Variants in ACAP2 observed in about 807,000 individuals in gnomAD.
ACAP2 encodes the protein ArfGAP with coiled-coil, ankyrin repeat and PH domains 2.
ACAP2 carries 39 observed loss-of-function variants against 115.8 expected under a neutral mutation model. The observed-to-expected ratio is 0.34, with a 90% confidence interval of 0.26 to 0.44. The LOEUF is 0.44. ACAP2 is among the 20% of genes least tolerant of loss of function. ACAP2 has a pLI of 1.00. For synonymous variants in ACAP2, 289 were observed against 315.8 expected, an observed-to-expected ratio of 0.92 and a Z score of 0.90; for missense variants, 662 against 927.6, an observed-to-expected ratio of 0.71 and a Z score of 3.72.
chr3:195,314,204 T>G (rs1484083851), intron 10 of ACAP2, among the ~76,000 whole-genome samples: 108 of 152,082 alleles, frequency 7.1e-4, no homozygotes, highest in South Asian at 1.0e-3. Context: ...TTGTTGTTTT[T>G]TTTTTTTTTA....
In ACAP2 at chr3:195,317,533, A is replaced by ACTGATACCCAATCTT. The variant is rs1284944662; in HGVS notation, c.857+3167_857+3168insAAGATTGGGTATCAG. Among the ~76,000 whole-genome samples, 7 of 152,266 alleles carry ACTGATACCCAATCTT rather than the reference A, an allele frequency of 4.6e-5. No homozygotes were observed. In the East Asian group the frequency reaches 1.4e-3, roughly 29 times the overall value. On this transcript the variant is annotated intron_variant, in intron 10 of 22. Transcript: ENST00000326793. Reference sequence around the variant, plus strand: ...AGGCATCCTTGAATAAAAGATAATCACTGATACCCAGAAGAATGATCCTGC... The same window carrying ACTGATACCCAATCTT: ...AGGCATCCTTGAATAAAAGATAATCACTGATACCCAATCTTCTGATACCCAGAAGAATGATCCTGC...
intron 8 of ACAP2, among the ~76,000 whole-genome samples, chr3:195,331,072 G>A (rs1296781382): frequency 6.6e-6 from 1 of 152,072 alleles, no homozygotes; most frequent in Non-Finnish European, 1.5e-5. Flanking sequence ...TCTATTACTT[G>A]CAAACAAACC....
chr3:195,435,662 AG>A (rs1278695522), intron 1 of ACAP2, among the ~76,000 whole-genome samples: 1 of 152,108 alleles, frequency 6.6e-6, no homozygotes, highest in Non-Finnish European at 1.5e-5. Flanking sequence ...TGAATTTTTC[AG>A]ATTTCCTTGT....
intron 20 of ACAP2, among the ~76,000 whole-genome samples, chr3:195,291,119 G>T (rs1018661013): frequency 6.6e-6 from 1 of 152,088 alleles, no homozygotes; most frequent in Non-Finnish European, 1.5e-5. Flanking sequence ...AGAAACAAGC[G>T]TTTAAGACAC....
chr3:195,404,803 T>TG (rs1335227760), intron 1 of ACAP2, among the ~76,000 whole-genome samples: 3 of 139,162 alleles, frequency 2.2e-5, no homozygotes, highest in Non-Finnish European at 3.1e-5. Flanking sequence ...TAATTTTTTC[T>TG]TTTTTTTTTT....
chr3:195,348,017 G>A (rs937670629), intron 4 of ACAP2, among the ~76,000 whole-genome samples: 2 of 145,570 alleles, frequency 1.4e-5, no homozygotes, highest in Admixed American at 1.4e-4. Context: ...ATCCTATCTC[G>A]AAAGAAAAGA....
chr3:195,312,704 G>A (rs1377438045), intron 10 of ACAP2, among the ~76,000 whole-genome samples: 1 of 151,860 alleles, frequency 6.6e-6, no homozygotes, highest in Non-Finnish European at 1.5e-5. Flanking sequence ...ATCTTCTTTG[G>A]GTAATTATAA....
intron 1 of ACAP2, among the ~76,000 whole-genome samples, chr3:195,437,104 G>A (rs1360374025): frequency 3.3e-5 from 5 of 152,120 alleles, no homozygotes; most frequent in African/African-American, 1.2e-4. Context: ...GTGGAGTACA[G>A]TGGCATCACC....
rs116823020 is a variant in ACAP2 at position 195,426,064 on chromosome 3, T to A, written c.53+16731A>T. Among the ~76,000 whole-genome samples the A allele has an allele frequency of 3.6e-3, 545 of 152,336 alleles. 3 individuals carry two copies. The highest frequency in any genetic ancestry group is 0.012 in the African/African-American group (516 of 41,558). On this transcript the variant is annotated intron_variant, in intron 1 of 22. Transcript: ENST00000326793. ...GCACTAACCATAACATCCAAACTCATCACTACAGATGAATTATAATGCCTA... is the reference window on the plus strand; with the variant it reads ...GCACTAACCATAACATCCAAACTCAACACTACAGATGAATTATAATGCCTA...
At position 195,392,990 on chromosome 3, in the gene ACAP2, T is replaced by C. The variant is rs544145230; in HGVS notation, c.54-843A>G. Among the ~76,000 whole-genome samples the C allele has an allele frequency of 3.3e-5, 5 of 152,296 alleles. No individual in the cohort carries two copies. In the South Asian group the frequency reaches 1.0e-3, roughly 32 times the overall value. On this transcript the variant is annotated intron_variant, in intron 1 of 22. Transcript: ENST00000326793. ...TTAACTAAATTTTTAAGTTGGATAG[T>C]AATGGGGGATTTACACTGAGTAAGA...
At chr3:195,326,641 T>C (rs1385005278) in intron 9 of ACAP2, 3 of 414,134 alleles carry the variant, frequency 7.2e-6, no homozygotes, top group South Asian at 3.2e-5. Flanking sequence ...GTTAAGTTCC[T>C]AAGAGATTCA....
At chr3:195,364,049 A>G (rs920193790) in intron 4 of ACAP2, among the ~76,000 whole-genome samples, 1 of 152,212 alleles carries the variant, frequency 6.6e-6, no homozygotes, top group African/African-American at 2.4e-5. Flanking sequence ...GACTGGATAA[A>G]AATTTCTTAA....
At chr3:195,372,126 A>T (rs1334779930) in intron 4 of ACAP2, among the ~76,000 whole-genome samples, 4 of 152,228 alleles carry the variant, frequency 2.6e-5, no homozygotes, top group Non-Finnish European at 5.9e-5. Flanking sequence ...TCGAGAAGCT[A>T]ACTACAAGGT....
At chr3:195,426,894 C>T (rs931354431) in intron 1 of ACAP2, among the ~76,000 whole-genome samples, 21 of 152,040 alleles carry the variant, frequency 1.4e-4, no homozygotes, top group Non-Finnish European at 2.5e-4. Flanking sequence ...TTTTGGGGAG[C>T]CAGGGGGTGG....
At chr3:195,363,464 G>T (rs994878543) in intron 4 of ACAP2, among the ~76,000 whole-genome samples, 38 of 152,068 alleles carry the variant, frequency 2.5e-4, no homozygotes, top group Admixed American at 7.9e-4. Context: ...CCAACATGAA[G>T]AAACTCCGTC....
chr3:195,413,030 A>G (rs926580522), intron 1 of ACAP2: 1 of 274,596 alleles, frequency 3.6e-6, no homozygotes, highest in African/African-American at 2.2e-5. Flanking sequence ...AGAAGATTCC[A>G]TTTTAAATAT....
intron 1 of ACAP2, among the ~76,000 whole-genome samples, chr3:195,428,314 A>G (rs1043172553): frequency 6.1e-5 from 9 of 148,374 alleles, no homozygotes; most frequent in Admixed American, 4.1e-4. Context: ...ATATATATAC[A>G]CTCATATATA....
intron 8 of ACAP2, among the ~76,000 whole-genome samples, chr3:195,330,313 G>A (rs1358810800): frequency 6.6e-6 from 1 of 152,084 alleles, no homozygotes; most frequent in Non-Finnish European, 1.5e-5. Flanking sequence ...ATCGTAATTG[G>A]CCACCTCCAA....
At chr3:195,329,575 C>T (rs1178422513) in intron 8 of ACAP2, among the ~76,000 whole-genome samples, 3 of 152,142 alleles carry the variant, frequency 2.0e-5, no homozygotes, top group Non-Finnish European at 4.4e-5. Context: ...CTTCATAACA[C>T]AACTTCTTTA....
Sources: allele counts gnomAD v4.1 joint callset (sites outside exome capture counted in the v4.1 genomes callset), GRCh38; gene constraint gnomAD v4.1.1; transcripts MANE v1.5; gene names NCBI Gene and HGNC (gene_info 2026-07-23, HGNC 2026-07-21).